The following MAP2K6 variants were observed in gnomAD, a reference collection of about 807,000 sequenced individuals.
MAP2K6 encodes the protein dual specificity mitogen-activated protein kinase kinase 6.
A neutral mutation model predicts 53.7 loss-of-function variants in MAP2K6; 16 were observed. The observed-to-expected ratio is 0.30, with a 90% CI of 0.20 to 0.45. MAP2K6 has a LOEUF of 0.45. Ranked by LOEUF, MAP2K6 falls within the 20% of genes least tolerant of loss-of-function variation. The probability of loss-of-function intolerance (pLI) is 1.00; values close to 1 mark genes in which losing one functional copy is unlikely to be tolerated. For synonymous variants in MAP2K6, 132 were observed against 143.1 expected (o/e 0.92, Z 0.55); for missense variants, 204 against 411.9 (o/e 0.50, Z 4.37).
At chr17:69,519,878 C>G in intron 5 of MAP2K6, 1 of 220,014 alleles carries the variant, frequency 4.5e-6, no homozygotes, top group Non-Finnish European at 8.9e-6. Flanking sequence ...CTCATTAAAA[C>G]CAGCTTTTTG....
At chr17:69,449,458 A>G (rs568775287) in intron 1 of MAP2K6, among the ~76,000 whole-genome samples, 1 of 147,968 alleles carries the variant, frequency 6.8e-6, no homozygotes, top group Non-Finnish European at 1.5e-5. Context: ...GATGATTATT[A>G]CTCCTCAGAG....
At chr17:69,479,955 C>T (rs1166840922) in intron 1 of MAP2K6, among the ~76,000 whole-genome samples, 15 of 152,032 alleles carry the variant, frequency 9.9e-5, no homozygotes, top group South Asian at 2.1e-4. Flanking sequence ...AAGCTGGTCT[C>T]GAACTCCTGA....
intron 1 of MAP2K6, among the ~76,000 whole-genome samples, chr17:69,481,153 C>T (rs1260312179): frequency 1.3e-5 from 2 of 152,000 alleles, no homozygotes; most frequent in Non-Finnish European, 2.9e-5. Flanking sequence ...AGTTTTTTCC[C>T]CCTCCTCCAG....
At chr17:69,448,322 T>G (rs1441674805) in intron 1 of MAP2K6, among the ~76,000 whole-genome samples, 1 of 151,394 alleles carries the variant, frequency 6.6e-6, no homozygotes, top group East Asian at 1.9e-4. Flanking sequence ...ACTGGACTCT[T>G]TCTAAAAAAT....
At chr17:69,517,894 T>C (rs897478148) in intron 4 of MAP2K6, among the ~76,000 whole-genome samples, 5 of 152,166 alleles carry the variant, frequency 3.3e-5, no homozygotes, top group African/African-American at 1.2e-4. Context: ...TCATCACACT[T>C]AAAAATAATT....
At chr17:69,432,181 A>G (rs1161572784) in intron 1 of MAP2K6, among the ~76,000 whole-genome samples, 1 of 152,216 alleles carries the variant, frequency 6.6e-6, no homozygotes, top group Admixed American at 6.5e-5. Flanking sequence ...TAGTGTTGTG[A>G]CATGTGGCAT....
intron 2 of MAP2K6, among the ~76,000 whole-genome samples, chr17:69,508,041 G>GTT (rs71144698): frequency 0.017 from 741 of 44,896 alleles, 309 homozygotes; most frequent in Non-Finnish European, 0.017. Flanking sequence ...TATATATGTA[G>GTT]TTTTTTTTTT....
chr17:69,466,173 C>T (rs1374134947), intron 1 of MAP2K6, among the ~76,000 whole-genome samples: 4 of 149,924 alleles, frequency 2.7e-5, no homozygotes, highest in Non-Finnish European at 4.4e-5. Flanking sequence ...GTAGTCCCAG[C>T]TACCAGCTAC....
At chr17:69,466,150 G>A (rs1268385980) in intron 1 of MAP2K6, among the ~76,000 whole-genome samples, 3 of 150,796 alleles carry the variant, frequency 2.0e-5, no homozygotes, top group Non-Finnish European at 3.0e-5. Context: ...GCCAAGCATG[G>A]TGGCGCACAG....
rs894502073 is a variant in MAP2K6, at chr17:69,546,971, A to T, written c.*5218A>T. The T allele has an allele frequency of 3.3e-5, 5 of 152,042 alleles. No individual in the cohort carries two copies. The highest frequency in any genetic ancestry group is 1.2e-4 in the African/African-American group (5 of 41,396). The allele number at this position is 152,042 out of a possible 1,614,324, so 9.4% of individuals were successfully genotyped here. A position where few individuals can be genotyped will look rare whatever the true frequency, so the allele number is the denominator to read the frequency against. On this transcript the variant is annotated 3_prime_UTR_variant, in exon 12 of 12. Coordinates refer to ENST00000590474, the MANE Select transcript of MAP2K6 (RefSeq NM_002758.4). ...GGAAGAAGGAGCTACCAGACCCGAT[A>T]GAATAGAAAGAAAGCTATTTTATTC...
chr17:69,498,693 C>CAGAG (rs143094012), intron 1 of MAP2K6, among the ~76,000 whole-genome samples: 1 of 150,080 alleles, frequency 6.7e-6, no homozygotes, highest in Non-Finnish European at 1.5e-5. Context: ...CACGTGCACG[C>CAGAG]AGAGAGAGAG....
At chr17:69,419,320 G>A (rs1906001316) in intron 1 of MAP2K6, among the ~76,000 whole-genome samples, 1 of 152,182 alleles carries the variant, frequency 6.6e-6, no homozygotes, top group Admixed American at 6.5e-5. Context: ...CAAAGGGCAT[G>A]TATAGATATA....
At chr17:69,428,422 G>A (rs1333277033) in intron 1 of MAP2K6, among the ~76,000 whole-genome samples, 3 of 152,236 alleles carry the variant, frequency 2.0e-5, no homozygotes, top group African/African-American at 7.2e-5. Flanking sequence ...GTCTGTGTCT[G>A]TATCCAAATT....
rs549355840 is a variant in MAP2K6 at position 69,432,680 on chromosome 17, G to C, written c.16+17680G>C. Among the ~76,000 whole-genome samples the C allele has an allele frequency of 3.4e-4, 51 of 152,140 alleles. No homozygotes were observed. The South Asian group carries it at 8.5e-3, about 25-fold the overall frequency. On this transcript the variant is annotated intron_variant, in intron 1 of 11. Transcript: ENST00000590474. ...AGGGGTGGGGGAGGGAGAGCATCAG[G>C]ACAAATAGCTAATGCATGTGGGGCT...
At chr17:69,462,575 A>G (rs1907655591) in intron 1 of MAP2K6, among the ~76,000 whole-genome samples, 1 of 152,006 alleles carries the variant, frequency 6.6e-6, no homozygotes. Context: ...TTCTTTTTCA[A>G]TATGTGTATA....
At chr17:69,434,641 T>G (rs1191203034) in intron 1 of MAP2K6, 1 of 152,214 alleles carries the variant, frequency 6.6e-6, no homozygotes, top group African/African-American at 2.4e-5. Flanking sequence ...ACACCTAACA[T>G]GGGCTCTTCC....
At chr17:69,499,340 T>C (rs1909067305) in intron 1 of MAP2K6, among the ~76,000 whole-genome samples, 1 of 152,226 alleles carries the variant, frequency 6.6e-6, no homozygotes, top group Non-Finnish European at 1.5e-5. Context: ...ATTGAGCACC[T>C]ATATTATGCT....
intron 9 of MAP2K6, among the ~76,000 whole-genome samples, chr17:69,525,369 A>T (rs1447929102): frequency 6.6e-6 from 1 of 152,182 alleles, no homozygotes; most frequent in Non-Finnish European, 1.5e-5. Flanking sequence ...GTGAACCCTG[A>T]TAGGGCCGTG....
chr17:69,466,008 C>T (rs1156952020), intron 1 of MAP2K6, among the ~76,000 whole-genome samples: 3 of 149,702 alleles, frequency 2.0e-5, no homozygotes, highest in Non-Finnish European at 4.4e-5. Context: ...TGTGGTGGCT[C>T]ATGCCTGTAA....
Sources: allele counts gnomAD v4.1 joint callset (sites outside exome capture counted in the v4.1 genomes callset), GRCh38; gene constraint gnomAD v4.1.1; transcripts MANE v1.5; gene names NCBI Gene and HGNC (gene_info 2026-07-23, HGNC 2026-07-21).